Variants in CDK8 observed in about 807,000 individuals in gnomAD.
CDK8 encodes the protein cyclin-dependent kinase 8.
A neutral mutation model predicts 71.5 loss-of-function variants in CDK8; 29 were observed. The observed-to-expected ratio is 0.41, with a 90% CI of 0.30 to 0.55. The LOEUF is 0.55. Ranked by LOEUF, CDK8 falls within the 20% of genes least tolerant of loss-of-function variation. CDK8 has a pLI of 0.37. For missense variants in CDK8, 288 were observed against 572.6 expected (o/e 0.50, Z 5.07); for synonymous variants, 161 against 192.1 (o/e 0.84, Z 1.34).
chr13:26,346,156 T>G (rs939300785), intron 2 of CDK8, among the ~76,000 whole-genome samples: 1 of 152,204 alleles, frequency 6.6e-6, no homozygotes, highest in Admixed American at 6.5e-5. Context: ...AGCAAATTAT[T>G]TAAACCCCTT....
chr13:26,382,947 T>G (rs991363962), intron 5 of CDK8, 76 bp downstream of exon 5: 1 of 884,768 alleles, frequency 1.1e-6, no homozygotes, highest in African/African-American at 1.7e-5. Flanking sequence ...ACTTCTAATT[T>G]TTGCTATAAT....
chr13:26,298,052 A>G (rs1325079121), intron 1 of CDK8, among the ~76,000 whole-genome samples: 1 of 152,040 alleles, frequency 6.6e-6, no homozygotes, highest in Non-Finnish European at 1.5e-5. Context: ...TAAAACTGCG[A>G]TTTTATATTG....
chr13:26,394,849 G>A (rs1875910504), intron 7 of CDK8, among the ~76,000 whole-genome samples: 1 of 152,152 alleles, frequency 6.6e-6, no homozygotes, highest in South Asian at 2.1e-4. Flanking sequence ...TTAGTAAGAT[G>A]GTGGTAGGTA....
intron 1 of CDK8, among the ~76,000 whole-genome samples, chr13:26,314,447 G>A (rs1874422279): frequency 6.6e-6 from 1 of 152,190 alleles, no homozygotes; most frequent in Admixed American, 6.6e-5. Flanking sequence ...GGAAAATTAG[G>A]TTACTGGGAT....
At chr13:26,268,006 C>T (rs534374766) in intron 1 of CDK8, among the ~76,000 whole-genome samples, 36 of 152,278 alleles carry the variant, frequency 2.4e-4, no homozygotes, top group African/African-American at 8.7e-4. Context: ...CCTAGCAGAT[C>T]ACTGCAAGCA....
At chr13:26,340,181 T>C (rs1246376404) in intron 2 of CDK8, among the ~76,000 whole-genome samples, 1 of 152,212 alleles carries the variant, frequency 6.6e-6, no homozygotes, top group Non-Finnish European at 1.5e-5. Flanking sequence ...TTTCTTATTC[T>C]GTTAATTTAG....
At chr13:26,280,120 A>G (rs1179573607) in intron 1 of CDK8, among the ~76,000 whole-genome samples, 1 of 152,226 alleles carries the variant, frequency 6.6e-6, no homozygotes, top group Non-Finnish European at 1.5e-5. Context: ...CATGATTTTT[A>G]ATGACTACAT....
rs1565997825 is a variant in CDK8 at position 26,393,336 on chromosome 13, CTTTCTTTTTTTT to C, written c.647-21_647-10del. 10 of 1,365,354 alleles carry C rather than the reference CTTTCTTTTTTTT, an allele frequency of 7.3e-6. No homozygotes were observed. The highest frequency in any genetic ancestry group is 1.9e-4 in the Middle Eastern group (1 of 5,298). 84.6% of individuals were successfully genotyped at this position (1,365,354 alleles called of 1,614,324 possible). ...TTTTCTTTTTTCCTTGCCTATTTTT[CTTTCTTTTTTTT>C]TTTCTTTTTGTTTTAAAGATATTTG... On this transcript the variant is annotated intron_variant, in intron 6 of 12. Coordinates refer to ENST00000381527, the MANE Select transcript of CDK8 (RefSeq NM_001260.3).
intron 4 of CDK8, among the ~76,000 whole-genome samples, chr13:26,357,071 A>G (rs954401081): frequency 8.5e-5 from 13 of 152,368 alleles, no homozygotes; most frequent in Non-Finnish European, 1.3e-4. Flanking sequence ...TTATTAATTA[A>G]TAGAAATACT....
At chr13:26,371,844 C>G (rs1414639703) in intron 4 of CDK8, among the ~76,000 whole-genome samples, 4 of 152,094 alleles carry the variant, frequency 2.6e-5, no homozygotes, top group African/African-American at 9.7e-5. Flanking sequence ...TCTCGAAATC[C>G]TGACCTCAAG....
At chr13:26,255,874 G>GA (rs994463625) in intron 1 of CDK8, among the ~76,000 whole-genome samples, 10 of 151,296 alleles carry the variant, frequency 6.6e-5, no homozygotes, top group Admixed American at 3.3e-4. Context: ...ACATTAGCAC[G>GA]AAAAAAAAAT....
chr13:26,381,437 T>C (rs1875221820), intron 4 of CDK8, among the ~76,000 whole-genome samples: 1 of 152,112 alleles, frequency 6.6e-6, no homozygotes, highest in African/African-American at 2.4e-5. Context: ...CTGTTAGTGT[T>C]GTGGTTAGAA....
At chr13:26,278,656 C>A (rs1872637867) in intron 1 of CDK8, among the ~76,000 whole-genome samples, 1 of 152,168 alleles carries the variant, frequency 6.6e-6, no homozygotes, top group Non-Finnish European at 1.5e-5. Context: ...GCTCTAGTGA[C>A]ATTTTGTCTT....
At chr13:26,344,928 C>T (rs1873400573) in intron 2 of CDK8, among the ~76,000 whole-genome samples, 1 of 152,006 alleles carries the variant, frequency 6.6e-6, no homozygotes, top group Admixed American at 6.6e-5. Context: ...GTAATGAAAA[C>T]ATAGCCAGTA....
In CDK8 at chr13:26,351,927, A is replaced by G. The variant is rs1593281857; in HGVS notation, c.316-1813A>G. 2.0e-5 allele frequency among the ~76,000 whole-genome samples: 3 copies of G among 152,194 alleles called. No homozygotes were observed. In the South Asian group the frequency reaches 6.2e-4, roughly 32 times the overall value. Reference sequence around the variant, plus strand: ...AGATTTCATGGTATGTATATTTTGCATTTGTTATGTAGCCCTGGAATATAA... The same window carrying G: ...AGATTTCATGGTATGTATATTTTGCGTTTGTTATGTAGCCCTGGAATATAA... On this transcript the variant is annotated intron_variant, in intron 3 of 12. Coordinates refer to ENST00000381527, the MANE Select transcript of CDK8 (RefSeq NM_001260.3).
chr13:26,351,207 T>A (rs74042619), intron 3 of CDK8, among the ~76,000 whole-genome samples: 6,403 of 152,240 alleles, frequency 0.042, 431 homozygotes, highest in African/African-American at 0.14. Flanking sequence ...TATTTAATAA[T>A]GTCTTTAAAC....
intron 1 of CDK8, among the ~76,000 whole-genome samples, chr13:26,256,033 C>T (rs1871508516): frequency 6.6e-6 from 1 of 152,128 alleles, no homozygotes; most frequent in Non-Finnish European, 1.5e-5. Flanking sequence ...TTACAATGGA[C>T]TCTACGAGGA....
At chr13:26,396,705 T>TAGGTTAC (rs977870436) in intron 8 of CDK8, among the ~76,000 whole-genome samples, 1 of 152,142 alleles carries the variant, frequency 6.6e-6, no homozygotes, top group Non-Finnish European at 1.5e-5. Flanking sequence ...CTCACCAATC[T>TAGGTTAC]AGGTTACAGT....
chr13:26,364,070 G>T (rs1003844704), intron 4 of CDK8, among the ~76,000 whole-genome samples: 4 of 152,164 alleles, frequency 2.6e-5, no homozygotes, highest in Non-Finnish European at 4.4e-5. Flanking sequence ...CTACTAGTAA[G>T]TGGAAAAATT....
Sources: allele counts gnomAD v4.1 joint callset (sites outside exome capture counted in the v4.1 genomes callset), GRCh38; gene constraint gnomAD v4.1.1; transcripts MANE v1.5; gene names NCBI Gene and HGNC (gene_info 2026-07-23, HGNC 2026-07-21).